AFDN: variants seen among roughly 807,000 people sequenced by gnomAD.
The protein encoded by AFDN is afadin.
A neutral mutation model predicts 216.6 loss-of-function variants in AFDN; 68 were observed. The ratio of observed to expected loss-of-function variants is 0.31; its 90% confidence interval spans 0.26 to 0.38. The LOEUF (loss-of-function observed/expected upper bound fraction) is 0.38. Ranked by LOEUF, AFDN falls within the 10% of genes least tolerant of loss-of-function variation. The pLI, the probability that AFDN is intolerant of heterozygous loss-of-function variation, is 1.00. For synonymous variants in AFDN, 868 were observed against 853.7 expected (o/e 1.02, Z -0.29); for missense variants, 2,136 against 2,342.0 (o/e 0.91, Z 1.82).
chr6:167,843,985 A>G (rs1003987243), intron 1 of AFDN, among the ~76,000 whole-genome samples: 4 of 152,022 alleles, frequency 2.6e-5, no homozygotes, highest in African/African-American at 4.8e-5. Context: ...TTTTATAGCA[A>G]GAGATATGGA....
intron 5 of AFDN, 149 bp from the exon 6 acceptor site, chr6:167,880,211 A>C: frequency 1.5e-6 from 1 of 676,862 alleles, no homozygotes; most frequent in Non-Finnish European, 2.5e-6. Flanking sequence ...ATCTAACAGG[A>C]AATGAAACAA....
intron 1 of AFDN, chr6:167,828,079 G>T (rs374806956): frequency 2.6e-5 from 4 of 152,220 alleles, no homozygotes; most frequent in Non-Finnish European, 4.4e-5. Flanking sequence ...AAATCGCTCC[G>T]CAAGGGTCGG....
chr6:167,915,670 A>C (rs1051740902), intron 19 of AFDN, among the ~76,000 whole-genome samples: 1 of 152,258 alleles, frequency 6.6e-6, no homozygotes, highest in African/African-American at 2.4e-5. Flanking sequence ...CTTAAGCCTG[A>C]ATAAATCTAA....
At chr6:167,924,568 T>C (rs904627777) in intron 22 of AFDN, among the ~76,000 whole-genome samples, 3 of 152,254 alleles carry the variant, frequency 2.0e-5, no homozygotes, top group African/African-American at 4.8e-5. Flanking sequence ...ATCTTTGTTA[T>C]AACCATTTTT....
chr6:167,883,160 G>A (rs1344218402), intron 6 of AFDN, among the ~76,000 whole-genome samples: 1 of 152,108 alleles, frequency 6.6e-6, no homozygotes, highest in African/African-American at 2.4e-5. Context: ...CAAGAGAAGG[G>A]AATTCCAAGG....
At chr6:167,835,925 G>A (rs560101622) in intron 1 of AFDN, among the ~76,000 whole-genome samples, 88 of 152,232 alleles carry the variant, frequency 5.8e-4, no homozygotes, top group African/African-American at 2.0e-3. Context: ...ATATTATGTG[G>A]TTTTCCAAGT....
rs1790922317 is a variant in AFDN at position 167,915,405 on chromosome 6, C to T, written c.2537C>T (p.Ala846Val). The change falls in exon 19 of 34, where the codon GCG becomes GTG. Residue 846 changes from alanine to valine, a missense_variant. By Grantham distance (64) the Ala-to-Val change is moderately conservative (BLOSUM62 0). Coordinates refer to ENST00000683244, the MANE Select transcript of AFDN (RefSeq NM_001386888.1). ...WAEKQGLELAADCHLSRIVQA... is the reference protein window; with the variant it reads ...WAEKQGLELAVDCHLSRIVQA... ...GAGAAGCAGGGGCTGGAACTGGCTG[C>T]GGACTGTCATCTGAGCAGGATCGTG... The T allele has an allele frequency of 6.2e-7, 1 of 1,613,738 alleles. No individual in the cohort carries two copies. The highest frequency in any genetic ancestry group is 1.3e-5 in the African/African-American group (1 of 74,938).
chr6:167,871,371 C>T (rs1304467735), intron 3 of AFDN, among the ~76,000 whole-genome samples: 1 of 152,170 alleles, frequency 6.6e-6, no homozygotes, highest in Non-Finnish European at 1.5e-5. Flanking sequence ...GATGCTCTTT[C>T]ATTCTGTATA....
rs148602056 is a variant in AFDN, at chr6:167,906,730, A to G, written c.1651-441A>G. 4.8e-4 allele frequency among the ~76,000 whole-genome samples: 73 copies of G among 152,356 alleles called. 2 individuals are homozygous for G. The East Asian group carries it at 9.8e-3, about 21-fold the overall frequency. ...AGTTTCTGTACTGAATTCATTAGGT[A>G]TTGAGCTATAAGGAGTAGGATTTCT... On this transcript the variant is annotated intron_variant, in intron 12 of 33. Coordinates refer to ENST00000683244, the MANE Select transcript of AFDN (RefSeq NM_001386888.1).
chr6:167,894,668 G>A (rs952004917), intron 9 of AFDN, among the ~76,000 whole-genome samples: 1 of 152,110 alleles, frequency 6.6e-6, no homozygotes, highest in Non-Finnish European at 1.5e-5. Context: ...AGAGAGCCTG[G>A]GAAGGATGTT....
intron 1 of AFDN, among the ~76,000 whole-genome samples, chr6:167,840,977 C>G (rs946341176): frequency 1.3e-5 from 2 of 152,128 alleles, no homozygotes; most frequent in Non-Finnish European, 2.9e-5. Flanking sequence ...AGGGAGGGCA[C>G]GCTTGGAGGC....
chr6:167,882,983 T>A (rs953121316), intron 6 of AFDN, among the ~76,000 whole-genome samples: 2 of 151,986 alleles, frequency 1.3e-5, no homozygotes, highest in Non-Finnish European at 2.9e-5. Context: ...CCATCCAGAC[T>A]GTCAGCCAGG....
At chr6:167,885,705 C>A (rs1037734017) in intron 6 of AFDN, among the ~76,000 whole-genome samples, 2 of 152,214 alleles carry the variant, frequency 1.3e-5, no homozygotes, top group Non-Finnish European at 2.9e-5. Context: ...ACAAAGTGAG[C>A]AATGCTGTTG....
chr6:167,862,266 A>G (rs548766382), intron 1 of AFDN, among the ~76,000 whole-genome samples: 1 of 152,362 alleles, frequency 6.6e-6, no homozygotes, highest in Non-Finnish European at 1.5e-5. Flanking sequence ...GGACGTGGTC[A>G]GCACAGTACC....
chr6:167,912,394 A>G (rs1036257493), intron 15 of AFDN, among the ~76,000 whole-genome samples: 2 of 152,344 alleles, frequency 1.3e-5, no homozygotes, highest in East Asian at 3.9e-4. Flanking sequence ...TTCTCCTGGC[A>G]GGATCATTTG....
intron 7 of AFDN, 71 bp downstream of exon 7, chr6:167,889,397 T>C: frequency 9.5e-7 from 1 of 1,047,822 alleles, no homozygotes; most frequent in East Asian, 2.4e-5. Context: ...CCTTATCACA[T>C]GATGTAGGAG....
At chr6:167,954,522 C>CT in intron 30 of AFDN, 1 of 1,590,558 alleles carries the variant, frequency 6.3e-7, no homozygotes, top group South Asian at 1.1e-5. Flanking sequence ...CCCTTTGGTA[C>CT]TTTTTTCCTG....
At chr6:167,844,872 G>GTTTTTTTTTTTTTTTTTTTTTT (rs1289118837) in intron 1 of AFDN, among the ~76,000 whole-genome samples, 5 of 137,402 alleles carry the variant, frequency 3.6e-5, no homozygotes, top group Non-Finnish European at 3.1e-5. Flanking sequence ...TTTTTTTTTG[G>GTTTTTTTTTTTTTTTTTTTTTT]TTTTTGAGAC....
At position 167,947,909 on chromosome 6, in the gene AFDN, A is replaced by G. The variant is rs929234880; in HGVS notation, c.3610A>G (p.Ile1204Val). 15 of 1,613,922 alleles carry G rather than the reference A, an allele frequency of 9.3e-6. No homozygotes were observed. Among genetic ancestry groups the G allele is most frequent in the Non-Finnish European group, 1.1e-5 (13 of 1,179,960 alleles). Residue 1204 changes from isoleucine to valine, a missense_variant, in exon 28 of 34, where the codon ATA becomes GTA. Around this residue, in one of 8 missense-constraint regions of AFDN, gnomAD observed 981 missense variants for 966.0 expected, o/e 1.02. Transcript: ENST00000683244. ...ATATGCCTCTGGAACAACAGCGAAGATAACATCTGTCTCTACTGGAAACCT... is the reference window on the plus strand; with the variant it reads ...ATATGCCTCTGGAACAACAGCGAAGGTAACATCTGTCTCTACTGGAAACCT... The part of the protein sequence containing the change: ...SAYASGTTAK[I>V]TSVSTGNLCT...
Sources: gnomAD v4.1 joint callset for allele counts (sites outside exome capture counted in the v4.1 genomes callset) on GRCh38, gnomAD v4.1.1 for gene constraint, gnomAD v4.1.1 regional missense constraint, MANE v1.5 for transcripts, NCBI Gene and HGNC (gene_info 2026-07-23, HGNC 2026-07-21) for gene names.